Variants in ANK3 observed in about 807,000 individuals in gnomAD.
ANK3 encodes ankyrin-3.
In ANK3, 57 loss-of-function variants were observed where a neutral mutation model predicts 370.9. The ratio of observed to expected loss-of-function variants is 0.15; its 90% confidence interval spans 0.12 to 0.19. ANK3 has a LOEUF of 0.19. ANK3 is among the 10% of genes least tolerant of loss of function. The pLI is 1.00. For synonymous variants in ANK3, 1,929 were observed against 1,946.3 expected (o/e 0.99, Z 0.23); for missense variants, 4,439 against 5,302.1 (o/e 0.84, Z 5.06).
intron 23 of ANK3, among the ~76,000 whole-genome samples, chr10:60,151,803 T>G (rs2095131864): frequency 6.6e-6 from 1 of 152,218 alleles, no homozygotes; most frequent in Non-Finnish European, 1.5e-5. Flanking sequence ...AACATCTATA[T>G]TAGAAGTACA....
chr10:60,468,000 T>C (rs1289083061), intron 2 of ANK3, among the ~76,000 whole-genome samples: 4 of 150,646 alleles, frequency 2.7e-5, no homozygotes, highest in African/African-American at 4.9e-5. Context: ...TTTTTTTTTT[T>C]TGAGATGGAG....
intron 26 of ANK3, among the ~76,000 whole-genome samples, chr10:60,110,951 T>G (rs542454087): frequency 6.6e-6 from 1 of 152,144 alleles, no homozygotes; most frequent in South Asian, 2.1e-4. Context: ...ATATAGAGAG[T>G]AATTCTGATT....
chr10:60,179,410 C>T (rs367927379), intron 18 of ANK3, among the ~76,000 whole-genome samples: 12 of 152,130 alleles, frequency 7.9e-5, no homozygotes, highest in African/African-American at 2.9e-4. Context: ...AAAATGACTA[C>T]GTGGCCGGGA....
chr10:60,122,479 G>A (rs536107625), intron 25 of ANK3, among the ~76,000 whole-genome samples: 1 of 152,342 alleles, frequency 6.6e-6, no homozygotes, highest in East Asian at 1.9e-4. Flanking sequence ...CAGGAATAAA[G>A]GAGATATTTT....
chr10:60,678,768 T>C (rs1240998976), intron 1 of ANK3, among the ~76,000 whole-genome samples: 1 of 152,168 alleles, frequency 6.6e-6, no homozygotes, highest in African/African-American at 2.4e-5. Context: ...AACAAAATAT[T>C]TGGAGGCAAA....
intron 7 of ANK3, among the ~76,000 whole-genome samples, chr10:60,238,500 A>C (rs2097368835): frequency 2.0e-5 from 3 of 152,042 alleles, no homozygotes; most frequent in Non-Finnish European, 4.4e-5. Context: ...ACACACCCTA[A>C]AGACTGAGTC....
chr10:60,348,959 C>T (rs1256146270), intron 1 of ANK3, among the ~76,000 whole-genome samples: 13 of 152,118 alleles, frequency 8.5e-5, no homozygotes, highest in Admixed American at 2.6e-4. Context: ...GCAATGTGTA[C>T]ATCTCTCATA....
chr10:60,261,986 T>C (rs750965419), intron 6 of ANK3, 29 bp from the exon 7 acceptor site: 19 of 1,588,856 alleles, frequency 1.2e-5, no homozygotes, highest in East Asian at 4.5e-5. Context: ...AGACATTCAA[T>C]TGATTCCTGC....
At chr10:60,705,948 G>A (rs1470086798) in intron 1 of ANK3, among the ~76,000 whole-genome samples, 1 of 151,076 alleles carries the variant, frequency 6.6e-6, no homozygotes, top group Non-Finnish European at 1.5e-5. Flanking sequence ...TCAGCCTCCT[G>A]GGTAGCTGGG....
At chr10:60,393,456 A>T (rs918036561), upstream of ANK3, among the ~76,000 whole-genome samples, 5 of 152,174 alleles carry the variant, frequency 3.3e-5, no homozygotes, top group African/African-American at 1.2e-4. Flanking sequence ...TAGAGCATGA[A>T]TCTTCTATAA....
intron 2 of ANK3, among the ~76,000 whole-genome samples, chr10:60,609,269 C>T (rs993469947): frequency 6.6e-6 from 1 of 152,116 alleles, no homozygotes; most frequent in African/African-American, 2.4e-5. Flanking sequence ...TAATGAGTAA[C>T]TAGCCAGCCA....
intron 1 of ANK3, among the ~76,000 whole-genome samples, chr10:60,383,285 C>G (rs558771653): frequency 3.3e-5 from 5 of 152,292 alleles, no homozygotes; most frequent in African/African-American, 1.2e-4. Context: ...ACTGCAACAA[C>G]ACTATGGCTT....
intron 1 of ANK3, among the ~76,000 whole-genome samples, chr10:60,626,952 G>A (rs1828306009): frequency 6.6e-6 from 1 of 152,082 alleles, no homozygotes; most frequent in African/African-American, 2.4e-5. Context: ...GTAAAAGCGG[G>A]ATCATGAGAT....
intron 2 of ANK3, among the ~76,000 whole-genome samples, chr10:60,479,655 A>G (rs117815811): frequency 6.6e-6 from 1 of 152,254 alleles, no homozygotes; most frequent in East Asian, 1.9e-4. Flanking sequence ...TGAGGCTATC[A>G]TGAAACTGAA....
intron 42 of ANK3, among the ~76,000 whole-genome samples, chr10:60,055,335 A>C (rs2078953998): frequency 6.6e-6 from 1 of 152,154 alleles, no homozygotes; most frequent in East Asian, 1.9e-4. Context: ...TCCCAGATAA[A>C]ATACTGGGTC....
chr10:60,091,123 T>C (rs2088256438), intron 28 of ANK3, among the ~76,000 whole-genome samples: 1 of 152,234 alleles, frequency 6.6e-6, no homozygotes, highest in African/African-American at 2.4e-5. Flanking sequence ...CAGCCTGGTC[T>C]CAAACTCCTG....
intron 2 of ANK3, among the ~76,000 whole-genome samples, chr10:60,528,055 C>G (rs1257333010): frequency 1.3e-5 from 2 of 151,004 alleles, no homozygotes; most frequent in Non-Finnish European, 3.0e-5. Context: ...GATCCATAAG[C>G]AAACAAAAAG....
rs1240471984 is a variant in ANK3, at chr10:60,670,203, C to T, written c.58-54979G>A. On this transcript the variant is annotated intron_variant, in intron 1 of 43. Coordinates refer to the ANK3 transcript ENST00000373827. Reference sequence around the variant, plus strand: ...CCCCCCAAACAACTGAAATGTACATCCAATTGTTTACTCAACACCTCCCAT... The same window carrying T: ...CCCCCCAAACAACTGAAATGTACATTCAATTGTTTACTCAACACCTCCCAT... 2.6e-5 allele frequency among the ~76,000 whole-genome samples: 4 copies of T among 152,230 alleles called. No individual in the cohort carries two copies. In the South Asian group the frequency reaches 6.2e-4, roughly 24 times the overall value.
intron 8 of ANK3, among the ~76,000 whole-genome samples, chr10:60,233,868 G>T (rs918386160): frequency 1.3e-5 from 2 of 152,046 alleles, no homozygotes; most frequent in African/African-American, 4.8e-5. Context: ...TTTTCATCTT[G>T]CAGAACTAAA....
Sources: gnomAD v4.1 joint callset for allele counts (sites outside exome capture counted in the v4.1 genomes callset) on GRCh38, gnomAD v4.1.1 for gene constraint, MANE v1.5 for transcripts, NCBI Gene and HGNC (gene_info 2026-07-23, HGNC 2026-07-21) for gene names.